Variants in HEXB observed in about 807,000 individuals in gnomAD.
The protein encoded by HEXB is hexosaminidase subunit beta.
Under a neutral mutation model 71.2 loss-of-function variants are expected in HEXB, and 51 were observed. The ratio of observed to expected loss-of-function variants is 0.72; its 90% CI spans 0.57 to 0.90. The LOEUF is 0.90. HEXB is among the 40% of genes least tolerant of loss of function. The probability of loss-of-function intolerance (pLI) is 0.00; values close to 1 mark genes in which losing one functional copy is unlikely to be tolerated. For missense variants in HEXB, 617 were observed against 677.0 expected (o/e 0.91, Z 0.98); for synonymous variants, 266 against 249.3 (o/e 1.07, Z -0.63).
chr5:74,684,450 T>A (rs1748801732), upstream of HEXB, among the ~76,000 whole-genome samples: 1 of 152,196 alleles, frequency 6.6e-6, no homozygotes, highest in Admixed American at 6.5e-5. Context: ...ACAGCTGAAG[T>A]GCTGTTACAG....
chr5:74,707,584 A>G (rs1228280044), intron 6 of HEXB, among the ~76,000 whole-genome samples: 2 of 152,248 alleles, frequency 1.3e-5, no homozygotes, highest in Non-Finnish European at 2.9e-5. Context: ...CAATACAGAG[A>G]AGGGCTTAAA....
At position 74,641,439 on chromosome 5, in the gene HEXB, G is replaced by C. The variant is rs1296132629; in HGVS notation, c.-377+881G>C. ...GGCTGGACTCTGCCCTAAGCCAGGCGACTGCAGGGGCAGCCGGGGCGCAGT... is the reference window on the plus strand; with the variant it reads ...GGCTGGACTCTGCCCTAAGCCAGGCCACTGCAGGGGCAGCCGGGGCGCAGT... On this transcript the variant is annotated intron_variant, in intron 1 of 13. Transcript: ENST00000511181. The surrounding 1 kb of genome is among the most constrained non-coding windows in gnomAD (Gnocchi z 4.1). The C allele has an allele frequency of 6.6e-6, 1 of 152,300 alleles. No homozygotes were observed. Among genetic ancestry groups the C allele is most frequent in the Non-Finnish European group, 1.5e-5 (1 of 68,104 alleles). 9.4% of individuals were successfully genotyped at this position (152,300 alleles called of 1,614,324 possible). A position where few individuals can be genotyped will look rare whatever the true frequency, so the allele number is the denominator to read the frequency against.
chr5:74,682,814 G>C (rs116459188), upstream of HEXB, among the ~76,000 whole-genome samples: 1,037 of 152,256 alleles, frequency 6.8e-3, 11 homozygotes, highest in African/African-American at 0.024. Flanking sequence ...TGTAGGGGTG[G>C]AAAGATGTGA....
At chr5:74,670,271 C>T (rs532233864) in intron 1 of HEXB, among the ~76,000 whole-genome samples, 2 of 151,264 alleles carry the variant, frequency 1.3e-5, no homozygotes, top group South Asian at 2.1e-4. Context: ...ACAAACCAGT[C>T]AGTACACACT....
chr5:74,720,314 C>A, intron 11 of HEXB, 114 bp from the exon 12 acceptor site: 1 of 837,196 alleles, frequency 1.2e-6, no homozygotes, highest in East Asian at 2.5e-5. Flanking sequence ...TCCTGCTAAC[C>A]ACGGGCAAGA....
At chr5:74,711,863 G>A (rs541560049) in intron 6 of HEXB, among the ~76,000 whole-genome samples, 62 of 151,746 alleles carry the variant, frequency 4.1e-4, no homozygotes, top group Admixed American at 9.2e-4. Flanking sequence ...CATTGTGGAA[G>A]TCAGTGTGGC....
At chr5:74,651,642 A>G (rs1309741308) in intron 1 of HEXB, among the ~76,000 whole-genome samples, 3 of 152,212 alleles carry the variant, frequency 2.0e-5, no homozygotes, top group Non-Finnish European at 4.4e-5. Context: ...ATCTCCAAGC[A>G]AGGACGATCA....
At chr5:74,701,331 T>C (rs1749255591) in intron 5 of HEXB, among the ~76,000 whole-genome samples, 1 of 152,180 alleles carries the variant, frequency 6.6e-6, no homozygotes, top group South Asian at 2.1e-4. Context: ...TTATACTTTT[T>C]CTTATTAAAT....
chr5:74,666,631 A>G (rs1258795406), intron 1 of HEXB, among the ~76,000 whole-genome samples: 3 of 152,232 alleles, frequency 2.0e-5, no homozygotes, highest in African/African-American at 7.2e-5. Flanking sequence ...ACTGCAGAGC[A>G]GCAGCCTTGG....
At position 74,685,293 on chromosome 5, in the gene HEXB, G is replaced by A; in HGVS notation, c.33G>A (p.Pro11=). The A allele has an allele frequency of 6.4e-7, 1 of 1,553,508 alleles. No individual in the cohort carries two copies. Among genetic ancestry groups the A allele is most frequent in the Admixed American group, 1.9e-5 (1 of 52,916 alleles). The part of the protein sequence containing the change: MELCGLGLPR[P]PMLLALLLAT... The stretch of plus-strand genomic sequence containing the variant: ...TGTGCGGGCTGGGGCTGCCCCGGCC[G>A]CCCATGCTGCTGGCGCTGCTGTTGG... Residue 11 remains proline (P), a synonymous_variant, in exon 1 of 14, where the codon CCG becomes CCA. Coordinates refer to ENST00000261416, the MANE Select transcript of HEXB (RefSeq NM_000521.4).
chr5:74,713,544 T>C lies in HEXB; in HGVS notation c.810T>C (p.Asp270=). ...YSLSHVYTPN[D]VRMVIEYARL... ...TGTCTCATGTTTATACACCAAATGA[T>C]GTCCGTATGGTGATTGAATATGCCA... is the stretch of plus-strand genomic sequence containing the variant. The change falls in exon 7 of 14, where the codon GAT becomes GAC. Residue 270 remains aspartate (D), a synonymous_variant. Transcript: ENST00000261416. 6.2e-7 allele frequency: 1 copy of C among 1,608,288 alleles called. No homozygotes were observed. The highest frequency in any genetic ancestry group is 8.5e-7 in the Non-Finnish European group (1 of 1,174,648).
chr5:74,669,194 G>C lies in HEXB; in HGVS notation c.-376-20134G>C, dbSNP rs147858386. ...TTCCAAAGTGTGAGCACTTCATATA[G>C]TAAATATACTATGCCATCACTAGCT... On this transcript the variant is annotated intron_variant, in intron 1 of 13. Transcript: ENST00000511181. Among the ~76,000 whole-genome samples the C allele has an allele frequency of 2.6e-5, 4 of 152,158 alleles. No homozygotes were observed. In the East Asian group the frequency reaches 7.7e-4, roughly 29 times the overall value.
chr5:74,650,457 G>A (rs898789546), intron 1 of HEXB, among the ~76,000 whole-genome samples: 2 of 152,164 alleles, frequency 1.3e-5, no homozygotes, highest in African/African-American at 4.8e-5. Context: ...ATATTATTAT[G>A]GGGTAAAGCT....
rs1439606194 is a variant in HEXB at position 74,652,329 on chromosome 5, C to CT, written c.-377+11776dup. On this transcript the variant is annotated intron_variant, in intron 1 of 13. Transcript: ENST00000511181. This position sits in a 1 kb window ranked among gnomAD's most constrained non-coding sequence, Gnocchi z 5.4. The stretch of plus-strand genomic sequence containing the variant: ...TGGCAGAATCCAGACCCCTCGCTTT[C>CT]TTTTTCAGAGCTGTGCTCTCCTAGT... Among the ~76,000 whole-genome samples the CT allele has an allele frequency of 2.0e-5, 3 of 152,270 alleles. No individual in the cohort carries two copies. The highest frequency in any genetic ancestry group is 2.1e-4 in the South Asian group (1 of 4,812).
At chr5:74,660,762 A>G (rs1402827098) in intron 1 of HEXB, among the ~76,000 whole-genome samples, 1 of 152,222 alleles carries the variant, frequency 6.6e-6, no homozygotes, top group African/African-American at 2.4e-5. Flanking sequence ...CACTGGAAAA[A>G]AAACATAAAA....
chr5:74,648,495 A>G (rs1748042097), intron 1 of HEXB, among the ~76,000 whole-genome samples: 1 of 152,162 alleles, frequency 6.6e-6, no homozygotes, highest in African/African-American at 2.4e-5. Context: ...GAACCATGCA[A>G]CCATTCCTAT....
chr5:74,699,584 CTT>C (rs1247065760), intron 5 of HEXB, among the ~76,000 whole-genome samples: 3 of 152,150 alleles, frequency 2.0e-5, no homozygotes, highest in East Asian at 3.9e-4. Context: ...CTTTGCTACT[CTT>C]TTAACAGTTG....
Position 74,718,900 on chromosome 5 carries a change from G to C in HEXB, c.1346G>C (p.Trp449Ser). The C allele has an allele frequency of 4.3e-6, 7 of 1,613,946 alleles. No individual in the cohort carries two copies. Among genetic ancestry groups the C allele is most frequent in the Non-Finnish European group, 5.1e-6 (6 of 1,179,912 alleles). ...TTCCCTGTAATCCTTTCTGCTCCTT[G>C]GTACTTAGATTTGATTAGCTATGGA... ...SGFPVILSAPWYLDLISYGQD... is the reference protein window; with the variant it reads ...SGFPVILSAPSYLDLISYGQD... The change falls in exon 11 of 14, where the codon TGG becomes TCG. Residue 449 changes from tryptophan (W) to serine (S), a missense_variant. Coordinates refer to ENST00000261416, the MANE Select transcript of HEXB (RefSeq NM_000521.4).
At chr5:74,650,661 C>G (rs142687721) in intron 1 of HEXB, among the ~76,000 whole-genome samples, 24,009 of 151,832 alleles carry the variant, frequency 0.16, 2,511 homozygotes, top group African/African-American at 0.3. Context: ...GTGGCTCACG[C>G]CTGTCATCCC....
Sources: allele counts gnomAD v4.1 joint callset (sites outside exome capture counted in the v4.1 genomes callset), GRCh38; gene constraint gnomAD v4.1.1; non-coding constraint Gnocchi (gnomAD v3.1); transcripts MANE v1.5; gene names NCBI Gene and HGNC (gene_info 2026-07-23, HGNC 2026-07-21).